Variants in IARS1 observed in about 807,000 individuals in gnomAD.
IARS1 encodes isoleucine--tRNA ligase, cytoplasmic.
IARS1 carries 124 observed loss-of-function variants against 168.2 expected under a neutral mutation model. The observed-to-expected ratio is 0.74, with a 90% CI of 0.64 to 0.86. The LOEUF is 0.86. Ranked by LOEUF, IARS1 falls within the 40% of genes least tolerant of loss-of-function variation. The pLI, the probability that IARS1 is intolerant of heterozygous loss-of-function variation, is 0.00. For synonymous variants in IARS1, 532 were observed against 529.4 expected, an observed-to-expected ratio of 1.00 and a Z score of -0.07; for missense variants, 1,452 against 1,515.8, an observed-to-expected ratio of 0.96 and a Z score of 0.70.
At chr9:92,237,015 G>T (rs551473265) in intron 30 of IARS1, among the ~76,000 whole-genome samples, 35 of 152,268 alleles carry the variant, frequency 2.3e-4, no homozygotes, top group East Asian at 9.6e-4. Flanking sequence ...CCAGATTTCT[G>T]TATCATTAAT....
chr9:92,280,751 A>G lies in IARS1; in HGVS notation c.740T>C (p.Ile247Thr). Residue 247 changes from isoleucine to threonine, a missense_variant, in exon 7 of 34, where the codon ATT (isoleucine) becomes ACT (threonine). Transcript: ENST00000443024. ...GTAACCAGCCTCCCACTTACCTTTA[A>G]TTTTCACATATTGCATTTCTGGATT... is the stretch of plus-strand genomic sequence containing the variant. ...CVNPEMQYVKIKDVARGRLLI... is the reference protein window; with the variant it reads ...CVNPEMQYVKTKDVARGRLLI... 6.2e-7 allele frequency: 1 copy of G among 1,606,822 alleles called. No homozygotes were observed. The highest frequency in any genetic ancestry group is 8.5e-7 in the Non-Finnish European group (1 of 1,176,322).
At chr9:92,281,933 G>A (rs1055056217) in intron 6 of IARS1, among the ~76,000 whole-genome samples, 5 of 152,048 alleles carry the variant, frequency 3.3e-5, no homozygotes, top group Admixed American at 1.3e-4. Context: ...ACATACCACT[G>A]CATGAAGCAC....
In IARS1 at chr9:92,242,222, T is replaced by A; in HGVS notation, c.3109A>T (p.Ile1037Leu). Residue 1037 changes from isoleucine (I) to leucine (L), a missense_variant, in exon 29 of 34, where the codon ATA becomes TTA. Physicochemically the swap from Ile to Leu is conservative, Grantham distance 5. Coordinates refer to ENST00000443024, the MANE Select transcript of IARS1 (RefSeq NM_002161.6). ...ESHTEFIFTT[I>L]KAPLKPYPVS... ...GGATATGGTTTCAAGGGAGCCTTTA[T>A]GGTGGTAAATATGAACTCTGTGTGG... 6.2e-7 allele frequency: 1 copy of A among 1,614,138 alleles called. No homozygotes were observed. The highest frequency in any genetic ancestry group is 8.5e-7 in the Non-Finnish European group (1 of 1,179,940).
chr9:92,249,767 AT>A, intron 25 of IARS1, 90 bp downstream of exon 25: 1 of 642,002 alleles, frequency 1.6e-6, no homozygotes. Flanking sequence ...ATAAAAATAA[AT>A]TATAGAGTCA....
chr9:92,285,075 C>T (rs746193841), intron 6 of IARS1, among the ~76,000 whole-genome samples: 1 of 152,112 alleles, frequency 6.6e-6, no homozygotes, highest in Non-Finnish European at 1.5e-5. Context: ...AACAAGAATT[C>T]CAAACAAGTC....
intron 25 of IARS1, 52 bp from the exon 26 acceptor site, chr9:92,247,603 C>A: frequency 6.5e-7 from 1 of 1,537,214 alleles, no homozygotes; most frequent in Admixed American, 1.8e-5. Flanking sequence ...AACATATGTT[C>A]ACACAAAAAT....
At chr9:92,277,955 G>C in intron 8 of IARS1, 32 bp from the exon 9 acceptor site, 1 of 1,596,124 alleles carries the variant, frequency 6.3e-7, no homozygotes. Context: ...CTCACAATTA[G>C]ATTAAAATCA....
intron 33 of IARS1, among the ~76,000 whole-genome samples, chr9:92,221,498 G>A (rs1334702272): frequency 2.6e-5 from 4 of 152,208 alleles, no homozygotes; most frequent in Non-Finnish European, 5.9e-5. Flanking sequence ...CTGGGGAAGT[G>A]ATTGCAGTGG....
chr9:92,251,812 A>T lies in IARS1; in HGVS notation c.2303T>A (p.Leu768His). ...LFSVLLSLCR[L>H]MAPYTPFLTE... ...GAAAGAAGCCAATCATCTTACCATA[A>T]GTCTGCAAAGAGAAAGCAGAACACT... The change falls in exon 22 of 34, where the codon CTT (leucine) becomes CAT (histidine). Residue 768 changes from leucine to histidine, a missense_variant. Coordinates refer to ENST00000443024, the MANE Select transcript of IARS1 (RefSeq NM_002161.6). The T allele has an allele frequency of 1.2e-6, 2 of 1,612,998 alleles. No individual in the cohort carries two copies. The highest frequency in any genetic ancestry group is 1.7e-6 in the Non-Finnish European group (2 of 1,178,908).
intron 30 of IARS1, among the ~76,000 whole-genome samples, chr9:92,235,399 T>C (rs1414160201): frequency 6.6e-6 from 1 of 152,182 alleles, no homozygotes; most frequent in Non-Finnish European, 1.5e-5. Flanking sequence ...CATCTCTTCC[T>C]ATTTTTGTGA....
intron 30 of IARS1, among the ~76,000 whole-genome samples, chr9:92,229,752 C>T (rs1826372465): frequency 6.6e-6 from 1 of 152,172 alleles, no homozygotes; most frequent in Non-Finnish European, 1.5e-5. Context: ...ACAGTGTATA[C>T]CACAACCAGC....
intron 17 of IARS1, among the ~76,000 whole-genome samples, chr9:92,260,850 T>A (rs1161471956): frequency 6.6e-6 from 1 of 152,218 alleles, no homozygotes; most frequent in Non-Finnish European, 1.5e-5. Flanking sequence ...TCACAACAGC[T>A]TTATTCACAA....
At chr9:92,240,087 A>C (rs1329951361) in intron 30 of IARS1, among the ~76,000 whole-genome samples, 1 of 152,104 alleles carries the variant, frequency 6.6e-6, no homozygotes, top group African/African-American at 2.4e-5. Context: ...ACTTGGTTAC[A>C]AGGTCCTTAG....
At chr9:92,214,248 A>G (rs1228207503) in intron 33 of IARS1, among the ~76,000 whole-genome samples, 1 of 151,814 alleles carries the variant, frequency 6.6e-6, no homozygotes, top group East Asian at 2.0e-4. Flanking sequence ...TGTAAACAGA[A>G]AGACGGAAAC....
At chr9:92,287,646 TTAAG>T in intron 4 of IARS1, 141 bp downstream of exon 4, 1 of 826,586 alleles carries the variant, frequency 1.2e-6, no homozygotes, top group South Asian at 2.1e-5. Flanking sequence ...AGCTAACCGT[TTAAG>T]TAATAGGGTT....
intron 22 of IARS1, 108 bp from the exon 23 acceptor site, chr9:92,250,942 C>A: frequency 8.2e-7 from 1 of 1,220,394 alleles, no homozygotes; most frequent in Non-Finnish European, 1.1e-6. Context: ...CAGTAATAGG[C>A]ACCAAAATGA....
At position 92,288,234 on chromosome 9, in the gene IARS1, A is replaced by G. The variant is rs1483290182; in HGVS notation, c.168T>C (p.Tyr56=). 2.5e-6 allele frequency: 4 copies of G among 1,614,062 alleles called. No homozygotes were observed. In the East Asian group the frequency reaches 6.7e-5, roughly 27 times the overall value. ...TAATTGTACCCGCAAGTATATGTCCATAGTGAGGCAGTCCAGTTGCAAAAG... is the reference window on the plus strand; with the variant it reads ...TAATTGTACCCGCAAGTATATGTCCGTAGTGAGGCAGTCCAGTTGCAAAAG... ...GPPFATGLPH[Y]GHILAGTIKD... Residue 56 remains tyrosine (Y), a synonymous_variant, in exon 3 of 34, where the codon TAT becomes TAC. Transcript: ENST00000443024.
chr9:92,253,901 C>T (rs1419665915), intron 20 of IARS1: 3 of 461,330 alleles, frequency 6.5e-6, no homozygotes, highest in South Asian at 4.7e-5. Flanking sequence ...ACAGCATAGG[C>T]CAGTGATTCT....
intron 26 of IARS1, among the ~76,000 whole-genome samples, chr9:92,246,023 G>A (rs1468518223): frequency 6.6e-6 from 1 of 152,068 alleles, no homozygotes; most frequent in Non-Finnish European, 1.5e-5. Flanking sequence ...TGATCTGCCC[G>A]CCTCGGCCTC....
Sources: allele counts gnomAD v4.1 joint callset (sites outside exome capture counted in the v4.1 genomes callset), GRCh38; gene constraint gnomAD v4.1.1; transcripts MANE v1.5; gene names NCBI Gene and HGNC (gene_info 2026-07-23, HGNC 2026-07-21).